LCN6: variants seen among roughly 807,000 people sequenced by gnomAD.
LCN6 encodes the protein epididymal-specific lipocalin-6.
In LCN6, 20 loss-of-function variants were observed where a neutral mutation model predicts 21.4. The observed-to-expected ratio is 0.93, with a 90% CI of 0.66 to 1.36. The LOEUF is 1.36. LCN6 is among the 40% of genes most tolerant of loss of function. The pLI is 0.00. For synonymous variants in LCN6, 96 were observed against 89.0 expected, an observed-to-expected ratio of 1.08 and a Z score of -0.44; for missense variants, 217 against 206.6, an observed-to-expected ratio of 1.05 and a Z score of -0.31.
rs1327219154 is a variant in LCN6, at chr9:136,744,597, CT to C, written c.*22+42del. ...CCATCACGCCCTGTGGGCTCCAGAACTTGCCCCAAGCCTCCCCCGAGGCTGC... is the reference window on the plus strand; with the variant it reads ...CCATCACGCCCTGTGGGCTCCAGAACTGCCCCAAGCCTCCCCCGAGGCTGC... On this transcript the variant is annotated intron_variant, in intron 5 of 6. Coordinates refer to ENST00000341206, the MANE Select transcript of LCN6 (RefSeq NM_198946.3). The surrounding 1 kb of genome is among the most constrained non-coding windows in gnomAD (Gnocchi z 4.2). 7.6e-7 allele frequency: 1 copy of C among 1,319,006 alleles called. No individual in the cohort carries two copies. Among genetic ancestry groups the C allele is most frequent in the African/African-American group, 1.4e-5 (1 of 69,454 alleles). 81.7% of individuals were successfully genotyped at this position (1,319,006 alleles called of 1,614,324 possible).
chr9:136,745,228 G>A lies in LCN6; in HGVS notation c.354C>T (p.Ala118=), dbSNP rs375668693. 13 of 1,613,632 alleles carry A rather than the reference G, an allele frequency of 8.1e-6. No homozygotes were observed. The highest frequency in any genetic ancestry group is 1.3e-5 in the African/African-American group (1 of 74,916). Residue 118 remains alanine (A), a synonymous_variant, in exon 4 of 7, where the codon GCC becomes GCT. Coordinates refer to ENST00000341206, the MANE Select transcript of LCN6 (RefSeq NM_198946.3). Reference sequence around the variant, plus strand: ...CGAACTCCAGCTGAGTGAAGATGATGGCATAGTCTCTGAAGTTGGTGGCCA... The same window carrying A: ...CGAACTCCAGCTGAGTGAAGATGATAGCATAGTCTCTGAAGTTGGTGGCCA... ...WVLATNFRDY[A]IIFTQLEFGD...
At chr9:136,748,151 C>T (rs1443706146) in intron 1 of LCN6, among the ~76,000 whole-genome samples, 1 of 151,176 alleles carries the variant, frequency 6.6e-6, no homozygotes, top group Non-Finnish European at 1.5e-5. Flanking sequence ...ACCCTACACC[C>T]TCCAGCCCTG....
At position 136,745,198 on chromosome 9, in the gene LCN6, G is replaced by A. The variant is rs141136161; in HGVS notation, c.384C>T (p.Asp128=). ...ACAGCTCCACGGTGTTGAAGGGCTC[G>A]TCCCCGAACTCCAGCTGAGTGAAGA... is the stretch of plus-strand genomic sequence containing the variant. ...AIIFTQLEFG[D]EPFNTVELYS... is the part of the protein sequence containing the mutation. The change falls in exon 4 of 7, where the codon GAC becomes GAT. Residue 128 remains aspartate, a synonymous_variant. Coordinates refer to ENST00000341206, the MANE Select transcript of LCN6 (RefSeq NM_198946.3). 1.9e-5 allele frequency: 31 copies of A among 1,613,082 alleles called. 1 individual carries two copies. Among genetic ancestry groups the A allele is most frequent in the Middle Eastern group, 3.3e-4 (2 of 6,084 alleles).
intron 2 of LCN6, 130 bp downstream of exon 2, chr9:136,747,294 G>C: frequency 9.7e-7 from 1 of 1,034,288 alleles, no homozygotes; most frequent in South Asian, 1.6e-5. Context: ...AGTGGGAAAA[G>C]TGACGGGGGT....
chr9:136,745,985 A>T, intron 2 of LCN6, 71 bp from the exon 3 acceptor site: 1 of 1,379,518 alleles, frequency 7.2e-7, no homozygotes. Context: ...GACGGAGCTC[A>T]GGAGTCCAGG....
chr9:136,744,704 G>A lies in LCN6; in HGVS notation c.450C>T (p.Leu150=). Residue 150 remains leucine, a synonymous_variant, in exon 5 of 7, where the codon CTC becomes CTT. Transcript: ENST00000341206. The surrounding 1 kb of genome is among the most constrained non-coding windows in gnomAD (Gnocchi z 4.2). The stretch of plus-strand genomic sequence containing the variant: ...CCAGGCTCCTGCTCCACTTGGTGAA[G>A]AGCCCCATGGCCTCCTGGCTGGCTG... ...TETASQEAMG[L]FTKWSRSLGF... The A allele has an allele frequency of 1.4e-5, 22 of 1,610,844 alleles. No individual in the cohort carries two copies. Among genetic ancestry groups the A allele is most frequent in the Non-Finnish European group, 1.9e-5 (22 of 1,178,476 alleles).
At chr9:136,746,016 G>T in intron 2 of LCN6, 102 bp from the exon 3 acceptor site, 1 of 980,342 alleles carries the variant, frequency 1.0e-6, no homozygotes, top group Non-Finnish European at 1.6e-6. Context: ...CAGCAGTGAG[G>T]CCAGAGCTTC....
chr9:136,747,818 C>T (rs1847068508), intron 1 of LCN6, among the ~76,000 whole-genome samples: 1 of 111,716 alleles, frequency 9.0e-6, no homozygotes, highest in African/African-American at 4.3e-5. Context: ...AGCCTCCAAC[C>T]TTCCAGCCTT....
rs55957859 is a variant in LCN6, at chr9:136,745,088, G to A, written c.412+82C>T. On this transcript the variant is annotated intron_variant, in intron 4 of 6. Transcript: ENST00000341206. ...CCCACGCGGCCCCCAAGCGGCCCACGCACCACACAGCTCCCAACGTGGGCC... is the reference window on the plus strand; with the variant it reads ...CCCACGCGGCCCCCAAGCGGCCCACACACCACACAGCTCCCAACGTGGGCC... 362 of 138,820 alleles carry A rather than the reference G, an allele frequency of 2.6e-3. 1 individual carries two copies. Among genetic ancestry groups the A allele is most frequent in the Non-Finnish European group, 1.7e-3 (119 of 68,996 alleles). The allele number at this position is 138,820 out of a possible 1,614,324, so 8.6% of individuals were successfully genotyped here.
intron 1 of LCN6, 137 bp from the exon 2 acceptor site, chr9:136,747,700 TCCAGCC>T: frequency 1.9e-6 from 2 of 1,068,690 alleles, no homozygotes; most frequent in African/African-American, 4.1e-5. Flanking sequence ...CCCTCCAGCC[TCCAGCC>T]TCCAACCCTC....
chr9:136,745,489 C>T (rs1847025199), intron 3 of LCN6: 3 of 588,676 alleles, frequency 5.1e-6, no homozygotes, highest in Non-Finnish European at 6.1e-6. Flanking sequence ...CTTTCAGACA[C>T]TGACGGACAG....
rs1168670940 is a variant in LCN6 at position 136,744,985 on chromosome 9, C to T, written c.412+185G>A. Among the ~76,000 whole-genome samples, 1 of 151,830 alleles carries T rather than the reference C, an allele frequency of 6.6e-6. No homozygotes were observed. The highest frequency in any genetic ancestry group is 1.5e-5 in the Non-Finnish European group (1 of 67,908). ...CGAGCGGCCCACTCACCACACAGCT[C>T]CCCATGTGGCCCCAAGCGGCCCACT... is the stretch of plus-strand genomic sequence containing the variant. On this transcript the variant is annotated intron_variant, in intron 4 of 6. Coordinates refer to ENST00000341206, the MANE Select transcript of LCN6 (RefSeq NM_198946.3). This position sits in a 1 kb window ranked among gnomAD's most constrained non-coding sequence, Gnocchi z 4.2.
chr9:136,745,990 T>C, intron 2 of LCN6, 76 bp from the exon 3 acceptor site: 2 of 1,329,412 alleles, frequency 1.5e-6, no homozygotes, highest in Non-Finnish European at 2.2e-6. Context: ...AGCTCAGGAG[T>C]CCAGGCCAGG....
intron 1 of LCN6, 136 bp from the exon 2 acceptor site, chr9:136,747,699 C>CTCCAGATCTCCAGCCCTCTAGCT (rs1847064228): frequency 3.6e-6 from 4 of 1,109,604 alleles, no homozygotes; most frequent in African/African-American, 1.6e-5. Context: ...GCCCTCCAGC[C>CTCCAGATCTCCAGCCCTCTAGCT]TCCAGCCTCC....
intron 1 of LCN6, among the ~76,000 whole-genome samples, chr9:136,747,932 C>A (rs953523699): frequency 1.3e-5 from 2 of 149,948 alleles, no homozygotes; most frequent in Non-Finnish European, 1.5e-5. Context: ...AGCCTCTAGG[C>A]TCCAGCCCTC....
intron 2 of LCN6, among the ~76,000 whole-genome samples, chr9:136,746,720 CCTGGCTCAGTGGTT>C (rs531899272): frequency 8.3e-4 from 127 of 152,270 alleles, no homozygotes; most frequent in African/African-American, 2.8e-3. Context: ...GGGCCCCGTA[CCTGGCTCAGTGGTT>C]CAGGCCTGGG....
intron 3 of LCN6, 81 bp from the exon 4 acceptor site, chr9:136,745,361 G>A: frequency 5.3e-6 from 5 of 940,932 alleles, no homozygotes; most frequent in Admixed American, 1.9e-5. Flanking sequence ...CTGGCCACAG[G>A]GACAGAGGGG....
In LCN6 at chr9:136,747,537, C is replaced by T. The variant is rs773297141; in HGVS notation, c.117G>A (p.Ala39=). 6.2e-6 allele frequency: 10 copies of T among 1,612,414 alleles called. No individual in the cohort carries two copies. Among genetic ancestry groups the T allele is most frequent in the African/African-American group, 4.0e-5 (3 of 74,894 alleles). ...EQLLGPWYVL[A]VASREKGFAM... ...CAAAGCCCTTTTCCCGGGAGGCCAC[C>T]GCAAGCACGTACCAGGGCCCAAGAA... Residue 39 remains alanine, a synonymous_variant, in exon 2 of 7, where the codon GCG becomes GCA. Coordinates refer to ENST00000341206, the MANE Select transcript of LCN6 (RefSeq NM_198946.3).
At chr9:136,745,602 G>A (rs938511076) in intron 3 of LCN6, 42 of 596,318 alleles carry the variant, frequency 7.0e-5, no homozygotes, top group Non-Finnish European at 1.1e-4. Flanking sequence ...CAGGCCCCTC[G>A]CCCTCTGCAC....
Sources: gnomAD v4.1 joint callset for allele counts (sites outside exome capture counted in the v4.1 genomes callset) on GRCh38, gnomAD v4.1.1 for gene constraint, Gnocchi (gnomAD v3.1) non-coding constraint, MANE v1.5 for transcripts, NCBI Gene and HGNC (gene_info 2026-07-23, HGNC 2026-07-21) for gene names.